The following GABRB1 variants were observed in gnomAD, a reference collection of about 807,000 sequenced individuals.
GABRB1 encodes gamma-aminobutyric acid receptor subunit beta-1.
GABRB1 carries 17 observed loss-of-function variants against 51.6 expected under a neutral mutation model. That is an observed-to-expected ratio of 0.33 (90% CI 0.23 to 0.49). The LOEUF (loss-of-function observed/expected upper bound fraction) is 0.49. GABRB1 is among the 20% of genes least tolerant of loss of function. The pLI is 0.99. For missense variants in GABRB1, 410 were observed against 600.6 expected (o/e 0.68, Z 3.32); for synonymous variants, 247 against 218.9 (o/e 1.13, Z -1.14).
intron 4 of GABRB1, among the ~76,000 whole-genome samples, chr4:47,283,850 T>C (rs1723397602): frequency 6.6e-6 from 1 of 152,100 alleles, no homozygotes; most frequent in Admixed American, 6.5e-5. Flanking sequence ...GAAACTCTCT[T>C]AGACTGTTGT....
At chr4:47,008,011 C>A (rs60877592) in intron 1 of GABRB1, among the ~76,000 whole-genome samples, 1 of 151,732 alleles carries the variant, frequency 6.6e-6, no homozygotes, top group African/African-American at 2.4e-5. Context: ...GAGACAGGCA[C>A]GACAATTTGC....
At chr4:47,119,799 G>C (rs544308443) in intron 3 of GABRB1, among the ~76,000 whole-genome samples, 53 of 151,998 alleles carry the variant, frequency 3.5e-4, no homozygotes, top group African/African-American at 1.3e-3. Context: ...GTGAGCCACT[G>C]GGCAGAACAT....
intron 4 of GABRB1, among the ~76,000 whole-genome samples, chr4:47,276,993 CAT>C (rs1450286856): frequency 2.0e-5 from 3 of 152,002 alleles, no homozygotes; most frequent in Non-Finnish European, 4.4e-5. Flanking sequence ...CAAAATAAAA[CAT>C]AGGTAGGATT....
intron 4 of GABRB1, among the ~76,000 whole-genome samples, chr4:47,271,777 A>G (rs1722884060): frequency 4.6e-5 from 7 of 152,198 alleles, no homozygotes; most frequent in Admixed American, 4.6e-4. Context: ...AGGAACATAT[A>G]GAGAAATTAA....
chr4:47,426,250 G>A lies in GABRB1; in HGVS notation c.*232G>A, dbSNP rs575157459. On this transcript the variant is annotated 3_prime_UTR_variant, in exon 9 of 9. Coordinates refer to ENST00000295454, the MANE Select transcript of GABRB1 (RefSeq NM_000812.4). ...GGTCCAGGTTATCAGCTCTTTAAGA[G>A]CTCTATTAATTGCCATGTTTACAAA... 3.3e-5 allele frequency: 12 copies of A among 359,740 alleles called. No individual in the cohort carries two copies. The highest frequency in any genetic ancestry group is 4.5e-5 in the Non-Finnish European group (9 of 200,846). The allele number at this position is 359,740 out of a possible 1,614,324, so 22.3% of individuals were successfully genotyped here. A position where few individuals can be genotyped will look rare whatever the true frequency, so the allele number is the denominator to read the frequency against.
At chr4:47,368,256 G>A (rs1727058638) in intron 5 of GABRB1, among the ~76,000 whole-genome samples, 1 of 152,146 alleles carries the variant, frequency 6.6e-6, no homozygotes, top group Non-Finnish European at 1.5e-5. Flanking sequence ...GAACTACCAT[G>A]CCTACTTCCT....
At chr4:47,236,151 T>C (rs1218435508) in intron 4 of GABRB1, among the ~76,000 whole-genome samples, 2 of 152,164 alleles carry the variant, frequency 1.3e-5, no homozygotes, top group East Asian at 1.9e-4. Context: ...TATTAAAACA[T>C]AAATTTTATT....
chr4:47,376,870 A>G (rs1245138591), intron 5 of GABRB1, among the ~76,000 whole-genome samples: 1 of 152,222 alleles, frequency 6.6e-6, no homozygotes, highest in Admixed American at 6.5e-5. Context: ...ATTTATTAGA[A>G]TACAAACAAG....
Position 47,191,248 on chromosome 4 carries a change from T to C in GABRB1, c.461+29779T>C, listed in dbSNP as rs553718051. 3.9e-5 allele frequency among the ~76,000 whole-genome samples: 6 copies of C among 152,294 alleles called. No individual in the cohort carries two copies. The South Asian group carries it at 1.0e-3, about 26-fold the overall frequency. On this transcript the variant is annotated intron_variant, in intron 4 of 8. Transcript: ENST00000295454. ...AGTTATTGCAACATGTGTAACTCCT[T>C]TGTGCCTCAAGATCCTTTTTTTCTG...
intron 3 of GABRB1, among the ~76,000 whole-genome samples, chr4:47,127,403 T>A (rs971077895): frequency 1.3e-5 from 2 of 151,830 alleles, no homozygotes; most frequent in African/African-American, 4.8e-5. Flanking sequence ...ATAAAAATAT[T>A]CTGATGTTAA....
intron 3 of GABRB1, 31 bp downstream of exon 3, chr4:47,032,515 C>T: frequency 6.2e-7 from 1 of 1,602,636 alleles, no homozygotes. Flanking sequence ...CCCGGCGGTT[C>T]GGCTTACGCA....
At chr4:47,146,309 CCT>C (rs913190037) in intron 3 of GABRB1, among the ~76,000 whole-genome samples, 6 of 151,684 alleles carry the variant, frequency 4.0e-5, no homozygotes, top group Admixed American at 6.6e-5. Context: ...TTTTTTTCCC[CCT>C]CTCTCTCCCC....
chr4:47,237,926 T>TA (rs1382284302), intron 4 of GABRB1, among the ~76,000 whole-genome samples: 1 of 152,066 alleles, frequency 6.6e-6, no homozygotes, highest in Non-Finnish European at 1.5e-5. Flanking sequence ...ATACAGTGGG[T>TA]AAAATTTCAT....
intron 3 of GABRB1, among the ~76,000 whole-genome samples, chr4:47,074,491 T>C (rs1396959231): frequency 6.6e-6 from 1 of 152,214 alleles, no homozygotes; most frequent in African/African-American, 2.4e-5. Flanking sequence ...ATCTATAAAA[T>C]GGGTATAAAA....
intron 3 of GABRB1, among the ~76,000 whole-genome samples, chr4:47,091,486 A>T (rs1290841206): frequency 1.3e-5 from 2 of 152,226 alleles, no homozygotes; most frequent in Non-Finnish European, 2.9e-5. Context: ...ACTAAATTTT[A>T]GGACCAAAGT....
intron 4 of GABRB1, among the ~76,000 whole-genome samples, chr4:47,163,164 GTTT>G (rs780534518): frequency 6.6e-6 from 1 of 151,946 alleles, no homozygotes; most frequent in Admixed American, 6.6e-5. Flanking sequence ...TTAAGACTTA[GTTT>G]TATCAGTTGT....
At chr4:47,002,307 T>C (rs1724255501) in intron 1 of GABRB1, among the ~76,000 whole-genome samples, 1 of 152,250 alleles carries the variant, frequency 6.6e-6, no homozygotes, top group Non-Finnish European at 1.5e-5. Context: ...TTTGGCAAGT[T>C]AATAAGCCAA....
At chr4:47,032,923 G>GTTTTAAT in intron 3 of GABRB1, 1 of 346,708 alleles carries the variant, frequency 2.9e-6, no homozygotes, top group Non-Finnish European at 5.8e-6. Context: ...CCGCGAGCCC[G>GTTTTAAT]GATGCACCAA....
intron 5 of GABRB1, among the ~76,000 whole-genome samples, chr4:47,343,245 T>A (rs1274016380): frequency 6.6e-6 from 1 of 151,982 alleles, no homozygotes; most frequent in Non-Finnish European, 1.5e-5. Flanking sequence ...GGACTTGAAC[T>A]TGGACAGACA....
Sources: allele counts gnomAD v4.1 joint callset (sites outside exome capture counted in the v4.1 genomes callset), GRCh38; gene constraint gnomAD v4.1.1; transcripts MANE v1.5; gene names NCBI Gene and HGNC (gene_info 2026-07-23, HGNC 2026-07-21).